The following GRM8 variants were observed in gnomAD, a reference collection of about 807,000 sequenced individuals.
GRM8 encodes metabotropic glutamate receptor 8.
GRM8 carries 47 observed loss-of-function variants against 87.2 expected under a neutral mutation model. The ratio of observed to expected loss-of-function variants is 0.54; its 90% CI spans 0.43 to 0.69. The LOEUF (loss-of-function observed/expected upper bound fraction) is 0.69, where lower values mean the gene tolerates loss of function less well. Among genes scored for constraint, GRM8 ranks in the 30% least tolerant of loss-of-function variants. The pLI, the probability that GRM8 is intolerant of heterozygous loss-of-function variation, is 0.00. For missense variants in GRM8, 1,019 were observed against 1,139.2 expected (o/e 0.89, Z 1.52); for synonymous variants, 396 against 404.5 (o/e 0.98, Z 0.25).
In GRM8 at chr7:126,880,475, T is replaced by G. The variant is rs535638587; in HGVS notation, c.1156+22067A>C. Reference sequence around the variant, plus strand: ...AAAATTAGCCTCTTAGGACTTAAAGTGCTTCCACATAAAGTCCAAGAGCTA... The same window carrying G: ...AAAATTAGCCTCTTAGGACTTAAAGGGCTTCCACATAAAGTCCAAGAGCTA... On this transcript the variant is annotated intron_variant, in intron 6 of 10. Transcript: ENST00000339582. Among the ~76,000 whole-genome samples, 20 of 152,300 alleles carry G rather than the reference T, an allele frequency of 1.3e-4. No homozygotes were observed. In the East Asian group the frequency reaches 3.7e-3, roughly 28 times the overall value.
At chr7:126,893,994 C>T (rs1179429413) in intron 6 of GRM8, among the ~76,000 whole-genome samples, 1 of 151,996 alleles carries the variant, frequency 6.6e-6, no homozygotes, top group African/African-American at 2.4e-5. Context: ...CTCTCAAATC[C>T]TCTGAGTTAA....
chr7:127,201,857 T>G (rs1343333275), intron 2 of GRM8, among the ~76,000 whole-genome samples: 1 of 152,118 alleles, frequency 6.6e-6, no homozygotes, highest in Non-Finnish European at 1.5e-5. Flanking sequence ...TAAGAAAGAA[T>G]AAGTGGGAAA....
At chr7:126,950,989 G>A (rs80254784) in intron 3 of GRM8, among the ~76,000 whole-genome samples, 60 of 150,974 alleles carry the variant, frequency 4.0e-4, no homozygotes, top group Non-Finnish European at 8.0e-4. Context: ...GTCTGTTAAC[G>A]TGGCACACCT....
intron 7 of GRM8, among the ~76,000 whole-genome samples, chr7:126,722,937 ATG>A (rs1352998903): frequency 9.6e-6 from 1 of 103,910 alleles, no homozygotes; most frequent in Non-Finnish European, 2.0e-5. Context: ...TATAATATAT[ATG>A]TTATAGATAA....
chr7:127,157,344 C>T (rs1273495905), intron 2 of GRM8, among the ~76,000 whole-genome samples: 2 of 151,996 alleles, frequency 1.3e-5, no homozygotes, highest in Non-Finnish European at 2.9e-5. Flanking sequence ...TAACAGACTA[C>T]ACTGAAGGTT....
chr7:127,185,049 T>C (rs1319714385), intron 2 of GRM8, among the ~76,000 whole-genome samples: 3 of 152,044 alleles, frequency 2.0e-5, no homozygotes, highest in African/African-American at 7.2e-5. Flanking sequence ...CTTCCCAACT[T>C]GGTCTATAAA....
chr7:127,002,253 T>C (rs1813801916), intron 3 of GRM8, among the ~76,000 whole-genome samples: 1 of 151,660 alleles, frequency 6.6e-6, no homozygotes, highest in South Asian at 2.1e-4. Context: ...GAATCTACAT[T>C]ATATACTTGC....
chr7:126,662,226 A>G (rs1394111537), intron 7 of GRM8, among the ~76,000 whole-genome samples: 1 of 152,242 alleles, frequency 6.6e-6, no homozygotes, highest in Non-Finnish European at 1.5e-5. Flanking sequence ...AGATAACAGA[A>G]TAAGCAATGA....
At chr7:126,493,836 G>T (rs117062210) in intron 9 of GRM8, among the ~76,000 whole-genome samples, 1 of 152,042 alleles carries the variant, frequency 6.6e-6, no homozygotes. Flanking sequence ...CTGGAAGGGG[G>T]AGTAATTTAT....
intron 2 of GRM8, among the ~76,000 whole-genome samples, chr7:127,154,114 C>T (rs1792576359): frequency 6.6e-6 from 1 of 152,132 alleles, no homozygotes; most frequent in Non-Finnish European, 1.5e-5. Flanking sequence ...TGTAAGAAAA[C>T]TGTGCTTGTC....
chr7:126,927,230 G>C (rs1428027705), intron 3 of GRM8, among the ~76,000 whole-genome samples: 1 of 152,020 alleles, frequency 6.6e-6, no homozygotes, highest in Non-Finnish European at 1.5e-5. Flanking sequence ...CAAACTCCTG[G>C]GCTCAACTGA....
intron 9 of GRM8, among the ~76,000 whole-genome samples, chr7:126,492,385 A>C (rs1562878002): frequency 6.6e-6 from 1 of 152,030 alleles, no homozygotes; most frequent in Non-Finnish European, 1.5e-5. Context: ...GAACTGTACT[A>C]AGATTTTTAC....
chr7:127,232,581 C>T (rs1305995875), intron 2 of GRM8, among the ~76,000 whole-genome samples: 1 of 152,050 alleles, frequency 6.6e-6, no homozygotes, highest in Admixed American at 6.6e-5. Flanking sequence ...AATGACTATA[C>T]CTTTAATGCT....
intron 3 of GRM8, among the ~76,000 whole-genome samples, chr7:126,927,916 A>C (rs1805313850): frequency 6.6e-6 from 1 of 152,174 alleles, no homozygotes; most frequent in Non-Finnish European, 1.5e-5. Context: ...ACACATGTAC[A>C]TGTATGTTTA....
intron 7 of GRM8, among the ~76,000 whole-genome samples, chr7:126,722,920 T>C (rs1046980247): frequency 2.1e-5 from 3 of 142,492 alleles, no homozygotes; most frequent in African/African-American, 5.5e-5. Context: ...ATATATAATA[T>C]GTTATATATA....
chr7:126,527,899 C>G (rs148186543), intron 9 of GRM8, among the ~76,000 whole-genome samples: 172 of 152,258 alleles, frequency 1.1e-3, no homozygotes, highest in African/African-American at 4.0e-3. Flanking sequence ...TTCGGGCAAG[C>G]CTCTATGTTT....
chr7:126,713,763 T>C (rs186848080), intron 7 of GRM8, among the ~76,000 whole-genome samples: 9 of 152,152 alleles, frequency 5.9e-5, no homozygotes, highest in Non-Finnish European at 1.5e-5. Context: ...ATAATGAATA[T>C]GTTTGATGAT....
chr7:127,062,454 A>C (rs940374281), intron 3 of GRM8, among the ~76,000 whole-genome samples: 1 of 152,234 alleles, frequency 6.6e-6, no homozygotes, highest in Non-Finnish European at 1.5e-5. Context: ...CCACCATGAC[A>C]CTGCAAGCAT....
intron 6 of GRM8, among the ~76,000 whole-genome samples, chr7:126,891,020 T>C (rs1324657215): frequency 6.6e-6 from 1 of 151,974 alleles, no homozygotes; most frequent in African/African-American, 2.4e-5. Context: ...CATCTGCAGC[T>C]CTATATCTCA....
Sources: allele counts gnomAD v4.1 joint callset (sites outside exome capture counted in the v4.1 genomes callset), GRCh38; gene constraint gnomAD v4.1.1; transcripts MANE v1.5; gene names NCBI Gene and HGNC (gene_info 2026-07-23, HGNC 2026-07-21).